The following UTP20 variants were observed in gnomAD, a reference collection of about 807,000 sequenced individuals.
The protein encoded by UTP20 is UTP20 small subunit processome component, also known as small subunit processome component 20 homolog.
Under a neutral mutation model 329.5 loss-of-function variants are expected in UTP20, and 164 were observed. The ratio of observed to expected loss-of-function variants is 0.50; its 90% CI spans 0.44 to 0.57. The LOEUF (loss-of-function observed/expected upper bound fraction) is 0.57. UTP20 is among the 20% of genes least tolerant of loss of function. UTP20 has a pLI of 0.00. For synonymous variants in UTP20, 1,151 were observed against 1,159.3 expected (o/e 0.99, Z 0.14); for missense variants, 3,055 against 3,284.2 (o/e 0.93, Z 1.71).
At chr12:101,347,299 G>A (rs994036114) in intron 38 of UTP20, among the ~76,000 whole-genome samples, 8 of 152,126 alleles carry the variant, frequency 5.3e-5, no homozygotes, top group African/African-American at 1.9e-4. Context: ...GAGGCAGGTG[G>A]ATCACTTGAG....
At chr12:101,309,405 T>G (rs1014270339) in intron 18 of UTP20, among the ~76,000 whole-genome samples, 2 of 152,240 alleles carry the variant, frequency 1.3e-5, no homozygotes, top group Non-Finnish European at 2.9e-5. Flanking sequence ...TTCTTCGGCA[T>G]GTGTGCATTT....
At chr12:101,366,308 T>C (rs1445593478) in intron 46 of UTP20, among the ~76,000 whole-genome samples, 1 of 152,206 alleles carries the variant, frequency 6.6e-6, no homozygotes, top group Non-Finnish European at 1.5e-5. Context: ...TTGGCATTTA[T>C]TTTCAGAAAT....
chr12:101,383,422 A>G lies in UTP20; in HGVS notation c.7929+109A>G, dbSNP rs1357148023. The stretch of plus-strand genomic sequence containing the variant: ...CTAGAAACTTTATCTTTGAACCCCA[A>G]ACTGCAGCAATAACATCCGTCCCAA... On this transcript the variant is annotated intron_variant, in intron 59 of 61. Coordinates refer to ENST00000261637, the MANE Select transcript of UTP20 (RefSeq NM_014503.3). 4 of 1,488,300 alleles carry G rather than the reference A, an allele frequency of 2.7e-6. No individual in the cohort carries two copies. In the African/African-American group the frequency reaches 4.2e-5, roughly 16 times the overall value. 92.2% of individuals were successfully genotyped at this position (1,488,300 alleles called of 1,614,324 possible).
rs1329084693 is a variant in UTP20, at chr12:101,386,011, A to C, written c.8246A>C (p.Lys2749Thr). The C allele has an allele frequency of 6.2e-7, 1 of 1,608,168 alleles. No individual in the cohort carries two copies. Among genetic ancestry groups the C allele is most frequent in the Non-Finnish European group, 8.5e-7 (1 of 1,178,370 alleles). Residue 2749 changes from lysine to threonine, a missense_variant, in exon 62 of 62, where the codon AAA becomes ACA. Coordinates refer to ENST00000261637, the MANE Select transcript of UTP20 (RefSeq NM_014503.3). ...ATTGCTGCCAAGAAAAAAATGAAGA[A>C]ACACAAAAATAAAAGTGAAGCAAAG... ...PDIAAKKKMK[K>T]HKNKSEAKKR...
rs1869180137 is a variant in UTP20 at position 101,342,665 on chromosome 12, C to T, written c.4245+76C>T. On this transcript the variant is annotated intron_variant, in intron 33 of 61. Coordinates refer to ENST00000261637, the MANE Select transcript of UTP20 (RefSeq NM_014503.3). ...TATGACTTGTAAACCATATTAGGGG[C>T]TTTCTTCATGCCAGGGTGATGTTTT... 4 of 1,535,906 alleles carry T rather than the reference C, an allele frequency of 2.6e-6. No individual in the cohort carries two copies. In the South Asian group the frequency reaches 4.9e-5, roughly 19 times the overall value.
chr12:101,293,057 A>G (rs2137236096), intron 10 of UTP20, 111 bp from the exon 11 acceptor site: 2 of 1,072,742 alleles, frequency 1.9e-6, no homozygotes, highest in Non-Finnish European at 2.8e-6. Context: ...GGGCAACTGG[A>G]CAGAGCACTG....
intron 52 of UTP20, 31 bp from the exon 53 acceptor site, chr12:101,373,370 C>A: frequency 6.3e-7 from 1 of 1,581,268 alleles, no homozygotes; most frequent in Non-Finnish European, 8.7e-7. Flanking sequence ...TTAGAAGATA[C>A]TAACAAATCC....
At chr12:101,345,277 G>GT (rs1311465054) in intron 36 of UTP20, among the ~76,000 whole-genome samples, 6 of 151,250 alleles carry the variant, frequency 4.0e-5, no homozygotes, top group African/African-American at 9.7e-5. Context: ...TAGCTGTCAG[G>GT]TTTTTTTTGT....
intron 43 of UTP20, among the ~76,000 whole-genome samples, chr12:101,358,266 G>A (rs1434139395): frequency 6.6e-6 from 1 of 152,146 alleles, no homozygotes. Context: ...ACCAATTCAA[G>A]TGGAATGTAG....
chr12:101,382,853 A>T (rs909936382), intron 58 of UTP20, among the ~76,000 whole-genome samples, 188 bp from the exon 59 acceptor site: 1 of 114,330 alleles, frequency 8.7e-6, no homozygotes, highest in South Asian at 2.9e-4. Context: ...CTCTGTCTTT[A>T]AAAAAAAAAA....
At chr12:101,292,716 A>G (rs545995827) in intron 10 of UTP20, among the ~76,000 whole-genome samples, 5 of 152,324 alleles carry the variant, frequency 3.3e-5, no homozygotes, top group South Asian at 4.1e-4. Context: ...ATATGACATG[A>G]TATCAGCAAA....
In UTP20 at chr12:101,281,195, A is replaced by G. The variant is rs1355179634; in HGVS notation, c.125A>G (p.Glu42Gly). 1 of 1,611,466 alleles carries G rather than the reference A, an allele frequency of 6.2e-7. No homozygotes were observed. The highest frequency in any genetic ancestry group is 1.1e-5 in the South Asian group (1 of 90,910). ...ATTGATAGAACTGCAAGCTATGAGG[A>G]GGTAAGAGAATGTGATACTAGTCAA... ...HRIDRTASYE[E>G]EVETYFFEGL... The change falls in exon 2 of 62, where the codon GAG (glutamate) becomes GGG (glycine). Residue 42 changes from glutamate (E) to glycine (G), a missense_variant and splice_region_variant. By Grantham distance (98) the Glu-to-Gly change is moderately conservative. This residue lies in a region of UTP20 where 2,445 missense variants were observed against 2,575.5 expected (regional missense o/e 0.95). Coordinates refer to ENST00000261637, the MANE Select transcript of UTP20 (RefSeq NM_014503.3).
Position 101,327,124 on chromosome 12 carries a change from CAG to C in UTP20, c.3086_3087del (p.Gln1029ArgfsTer22). 6.2e-7 allele frequency: 1 copy of C among 1,612,382 alleles called. No individual in the cohort carries two copies. The highest frequency in any genetic ancestry group is 8.5e-7 in the Non-Finnish European group (1 of 1,178,650). On this transcript the variant is annotated frameshift_variant, in exon 26 of 62. Transcript: ENST00000261637. LOFTEE classifies it high-confidence loss of function. ...GAAGAATAAGACTGGGAGTAAAACT[CAG>C]GGGAAATCTGCTTCAGGCACCCGCA... Reference protein sequence around the residue: ...RMKNKTGSKTQGKSASGTRMA... With the variant: ...RMKNKTGSKTXGKSASGTRMA...
In UTP20 at chr12:101,344,759, CTT is replaced by C. The variant is rs1869263995; in HGVS notation, c.4605+11_4605+12del. ...TGAAGAGCCAGACAGAGGTATATAA[CTT>C]TGTGTTTTAGGCACTACTGTCTGAG... On this transcript the variant is annotated intron_variant, in intron 36 of 61. Coordinates refer to ENST00000261637, the MANE Select transcript of UTP20 (RefSeq NM_014503.3). 2 of 1,611,916 alleles carry C rather than the reference CTT, an allele frequency of 1.2e-6. No individual in the cohort carries two copies. The highest frequency in any genetic ancestry group is 1.7e-6 in the Non-Finnish European group (2 of 1,178,994).
chr12:101,339,701 T>C (rs1200424176), intron 31 of UTP20, among the ~76,000 whole-genome samples: 1 of 152,202 alleles, frequency 6.6e-6, no homozygotes, highest in Non-Finnish European at 1.5e-5. Context: ...AGAGTCTGTT[T>C]GGCAGTAGAC....
intron 2 of UTP20, among the ~76,000 whole-genome samples, chr12:101,284,557 G>A (rs1485155318): frequency 1.3e-5 from 2 of 152,030 alleles, no homozygotes; most frequent in Non-Finnish European, 2.9e-5. Flanking sequence ...AACATACGAA[G>A]GCATGTATCT....
At chr12:101,348,852 A>G (rs1253063103) in intron 38 of UTP20, among the ~76,000 whole-genome samples, 1 of 150,426 alleles carries the variant, frequency 6.6e-6, no homozygotes, top group Non-Finnish European at 1.5e-5. Context: ...CTGAGATTAC[A>G]GGCATGAGCC....
At chr12:101,296,816 C>T (rs1243062919) in intron 12 of UTP20, among the ~76,000 whole-genome samples, 1 of 152,026 alleles carries the variant, frequency 6.6e-6, no homozygotes, top group East Asian at 1.9e-4. Context: ...TGTTAAGTGT[C>T]ATGGATTACT....
At chr12:101,310,595 A>AAAAAAAAAAAAAAAAAAAAAAAACAAAAG (rs1330692306) in intron 19 of UTP20, among the ~76,000 whole-genome samples, 1 of 121,656 alleles carries the variant, frequency 8.2e-6, no homozygotes, top group Admixed American at 8.2e-5. Context: ...AAAAAAAAAA[A>AAAAAAAAAAAAAAAAAAAAAAAACAAAAG]AAATACATGT....
Sources: gnomAD v4.1 joint callset for allele counts (sites outside exome capture counted in the v4.1 genomes callset) on GRCh38, gnomAD v4.1.1 for gene constraint, gnomAD v4.1.1 regional missense constraint, MANE v1.5 for transcripts, NCBI Gene and HGNC (gene_info 2026-07-23, HGNC 2026-07-21) for gene names.